The following RABGAP1L variants were observed in gnomAD, a reference collection of about 807,000 sequenced individuals.
RABGAP1L encodes the protein rab GTPase-activating protein 1-like.
A neutral mutation model predicts 137.7 loss-of-function variants in RABGAP1L; 63 were observed. The ratio of observed to expected loss-of-function variants is 0.46; its 90% CI spans 0.37 to 0.56. The LOEUF (loss-of-function observed/expected upper bound fraction) is 0.56, where lower values mean the gene tolerates loss of function less well. Ranked by LOEUF, RABGAP1L falls within the 20% of genes least tolerant of loss-of-function variation. The pLI is 0.00. For missense variants in RABGAP1L, 1,095 were observed against 1,244.0 expected (o/e 0.88, Z 1.80); for synonymous variants, 431 against 433.7 (o/e 0.99, Z 0.08).
intron 5 of RABGAP1L, among the ~76,000 whole-genome samples, chr1:174,248,406 T>C (rs760031295): frequency 2.0e-4 from 31 of 152,224 alleles, no homozygotes; most frequent in Non-Finnish European, 3.4e-4. Flanking sequence ...AGCATCAATC[T>C]TTTGCTGCTT....
At chr1:174,572,984 C>T (rs1006972082) in intron 13 of RABGAP1L, among the ~76,000 whole-genome samples, 1 of 150,072 alleles carries the variant, frequency 6.7e-6, no homozygotes, top group African/African-American at 2.5e-5. Flanking sequence ...GTTAAGTGCA[C>T]TCAGATCCAG....
intron 1 of RABGAP1L, among the ~76,000 whole-genome samples, chr1:174,213,215 A>G (rs1257347142): frequency 1.3e-5 from 2 of 152,326 alleles, no homozygotes; most frequent in Admixed American, 6.5e-5. Context: ...ACCTGAGGTC[A>G]GGAATTCAAG....
intron 4 of RABGAP1L, among the ~76,000 whole-genome samples, chr1:174,237,864 G>GT (rs1467539733): frequency 6.6e-6 from 1 of 150,972 alleles, no homozygotes; most frequent in Admixed American, 6.6e-5. Flanking sequence ...CCTGCAGAGT[G>GT]TTTTCCAACT....
intron 13 of RABGAP1L, among the ~76,000 whole-genome samples, chr1:174,454,615 A>C (rs960307693): frequency 1.4e-5 from 2 of 143,212 alleles, no homozygotes; most frequent in African/African-American, 5.4e-5. Flanking sequence ...CAGTGGCGCT[A>C]TCTCTGCTCA....
At chr1:174,756,023 A>G (rs368398576) in intron 18 of RABGAP1L, among the ~76,000 whole-genome samples, 1 of 152,316 alleles carries the variant, frequency 6.6e-6, no homozygotes, top group Admixed American at 6.5e-5. Context: ...TACCAGTCTC[A>G]TAAGATTGTT....
At chr1:174,398,560 T>C (rs1648163590) in intron 13 of RABGAP1L, among the ~76,000 whole-genome samples, 1 of 152,138 alleles carries the variant, frequency 6.6e-6, no homozygotes, top group Non-Finnish European at 1.5e-5. Flanking sequence ...GTCCATGGGC[T>C]GGAAAAAAGG....
chr1:174,558,334 C>G (rs142807496), intron 13 of RABGAP1L, among the ~76,000 whole-genome samples: 26 of 152,316 alleles, frequency 1.7e-4, no homozygotes, highest in Non-Finnish European at 2.8e-4. Context: ...ATTCTTTGTG[C>G]TGTTTTATAG....
At chr1:174,506,696 C>T (rs1391632491) in intron 13 of RABGAP1L, among the ~76,000 whole-genome samples, 1 of 152,124 alleles carries the variant, frequency 6.6e-6, no homozygotes, top group Non-Finnish European at 1.5e-5. Flanking sequence ...ATCAAAACAT[C>T]ATGTTGTCTA....
At chr1:174,622,140 A>C (rs1360214118) in intron 13 of RABGAP1L, among the ~76,000 whole-genome samples, 2 of 152,238 alleles carry the variant, frequency 1.3e-5, no homozygotes, top group African/African-American at 2.4e-5. Context: ...AATGCAAATC[A>C]AAACCACAAT....
Position 174,990,134 on chromosome 1 carries a change from C to G in RABGAP1L, c.*133C>G. On this transcript the variant is annotated 3_prime_UTR_variant, in exon 26 of 26. Transcript: ENST00000681986. ...CCAGAATTTTTCAGTAGCTCTCACTCTTTCTTGTATGACACTTTTCAAAGG... is the reference window on the plus strand; with the variant it reads ...CCAGAATTTTTCAGTAGCTCTCACTGTTTCTTGTATGACACTTTTCAAAGG... 1 of 1,150,192 alleles carries G rather than the reference C, an allele frequency of 8.7e-7. No individual in the cohort carries two copies. Among genetic ancestry groups the G allele is most frequent in the Non-Finnish European group, 1.2e-6 (1 of 830,748 alleles). The allele number at this position is 1,150,192 out of a possible 1,614,324, so 71.2% of individuals were successfully genotyped here.
At chr1:174,770,912 C>T (rs949058756) in intron 18 of RABGAP1L, among the ~76,000 whole-genome samples, 6 of 152,200 alleles carry the variant, frequency 3.9e-5, no homozygotes, top group Non-Finnish European at 7.3e-5. Context: ...CATTCTGTGT[C>T]CTGAAGTTGT....
chr1:174,890,486 C>A (rs1181607719), intron 19 of RABGAP1L, among the ~76,000 whole-genome samples: 2 of 152,184 alleles, frequency 1.3e-5, no homozygotes, highest in African/African-American at 4.8e-5. Flanking sequence ...GAGATATTTT[C>A]ATAAAGATGT....
intron 13 of RABGAP1L, among the ~76,000 whole-genome samples, chr1:174,538,679 C>A (rs967793246): frequency 2.6e-5 from 4 of 152,086 alleles, no homozygotes; most frequent in African/African-American, 9.7e-5. Context: ...TTTCAAAGAA[C>A]TACTTTGAAT....
intron 19 of RABGAP1L, among the ~76,000 whole-genome samples, chr1:174,858,997 T>C (rs1286035770): frequency 6.6e-6 from 1 of 152,324 alleles, no homozygotes; most frequent in South Asian, 2.1e-4. Context: ...GAAAAGATAG[T>C]GTGGCGATTC....
chr1:174,566,296 A>C (rs970613764), intron 13 of RABGAP1L, among the ~76,000 whole-genome samples: 1 of 152,158 alleles, frequency 6.6e-6, no homozygotes, highest in East Asian at 1.9e-4. Context: ...TTTCACCTAC[A>C]AAGAGTTTTT....
chr1:174,898,831 G>A (rs544650787), intron 19 of RABGAP1L, among the ~76,000 whole-genome samples: 7 of 152,278 alleles, frequency 4.6e-5, no homozygotes, highest in East Asian at 3.9e-4. Context: ...GCCTAGTAAT[G>A]TGTTAGTGCT....
At chr1:174,664,856 GCCT>G (rs1676666550) in intron 14 of RABGAP1L, among the ~76,000 whole-genome samples, 2 of 149,594 alleles carry the variant, frequency 1.3e-5, no homozygotes, top group Admixed American at 1.3e-4. Flanking sequence ...TCCTGCCTCA[GCCT>G]CCCAAGTAGC....
chr1:174,220,800 T>C (rs927763254), intron 2 of RABGAP1L, 172 bp from the exon 3 acceptor site: 8 of 483,930 alleles, frequency 1.7e-5, no homozygotes, highest in Non-Finnish European at 2.6e-5. Context: ...TAATTTAGTT[T>C]TATAACCAGG....
At chr1:174,518,012 A>G (rs2147833180) in intron 13 of RABGAP1L, among the ~76,000 whole-genome samples, 1 of 152,320 alleles carries the variant, frequency 6.6e-6, no homozygotes, top group East Asian at 1.9e-4. Flanking sequence ...GAAAGACTTA[A>G]TCAGAATTGA....
Sources: gnomAD v4.1 joint callset for allele counts (sites outside exome capture counted in the v4.1 genomes callset) on GRCh38, gnomAD v4.1.1 for gene constraint, MANE v1.5 for transcripts, NCBI Gene and HGNC (gene_info 2026-07-23, HGNC 2026-07-21) for gene names.